Variants in PAH observed in about 807,000 individuals in gnomAD.
The protein encoded by PAH is phenylalanine hydroxylase.
Under a neutral mutation model 62.0 loss-of-function variants are expected in PAH, and 64 were observed. The observed-to-expected ratio is 1.03, with a 90% CI of 0.84 to 1.27. The LOEUF (loss-of-function observed/expected upper bound fraction) is 1.27, where lower values mean the gene tolerates loss of function less well. Ranked by LOEUF, PAH falls within the 50% of genes most tolerant of loss-of-function variation. PAH has a pLI of 0.00. For synonymous variants in PAH, 195 were observed against 196.2 expected (o/e 0.99, Z 0.05); for missense variants, 579 against 542.8 (o/e 1.07, Z -0.66).
chr12:102,910,463 A>G (rs971618426), intron 2 of PAH, among the ~76,000 whole-genome samples: 1 of 149,746 alleles, frequency 6.7e-6, no homozygotes, highest in African/African-American at 2.5e-5. Context: ...CTCCGCCTCC[A>G]GGGTTCACGC....
chr12:102,871,929 AAAAAAAAAAAAAAAAAAAAAATATATAT>A (rs1410733584), intron 4 of PAH, among the ~76,000 whole-genome samples: 12 of 114,062 alleles, frequency 1.1e-4, no homozygotes, highest in Admixed American at 8.5e-4. Flanking sequence ...CCTCAAAAAA[AAAAAAAAAAAAAAAAAAAAAATATATAT>A]ATATATATAT....
At chr12:102,912,026 A>G (rs1185140626) in intron 2 of PAH, among the ~76,000 whole-genome samples, 1 of 152,252 alleles carries the variant, frequency 6.6e-6, no homozygotes, top group Non-Finnish European at 1.5e-5. Flanking sequence ...ACCCAAATCA[A>G]CGTTTCCTAA....
rs1309852116 is a variant in PAH, at chr12:102,836,988, GAAACTTATT to G, written c.*2178_*2186del. 2.0e-5 allele frequency: 3 copies of G among 152,088 alleles called. No homozygotes were observed. Among genetic ancestry groups the G allele is most frequent in the Non-Finnish European group, 4.4e-5 (3 of 68,024 alleles). 9.4% of individuals were successfully genotyped at this position (152,088 alleles called of 1,614,324 possible). A position where few individuals can be genotyped will look rare whatever the true frequency, so the allele number is the denominator to read the frequency against. On this transcript the variant is annotated 3_prime_UTR_variant, in exon 13 of 13. Transcript: ENST00000553106. ...GTTAAAATTCAGATTCCTACTTTCA[GAAACTTATT>G]AAACATCAATGCCACATGCTTAGAA...
At chr12:102,916,513 C>T (rs1027560484) in intron 1 of PAH, 2 of 163,254 alleles carry the variant, frequency 1.2e-5, no homozygotes, top group Admixed American at 1.2e-4. Flanking sequence ...ATGCCCAGGG[C>T]TAACTCTTGG....
intron 1 of PAH, among the ~76,000 whole-genome samples, chr12:102,929,979 T>G (rs1192421345): frequency 3.9e-5 from 6 of 152,150 alleles, no homozygotes; most frequent in African/African-American, 7.2e-5. Context: ...TGGGACTCAT[T>G]GAGATATTAA....
intron 3 of PAH, among the ~76,000 whole-genome samples, chr12:102,888,699 A>G (rs920809380): frequency 1.3e-5 from 2 of 151,648 alleles, no homozygotes; most frequent in Admixed American, 1.3e-4. Context: ...GAATGGGCTG[A>G]TCCTCTCAGC....
chr12:102,884,275 G>A (rs61942039), intron 3 of PAH, among the ~76,000 whole-genome samples: 1 of 152,156 alleles, frequency 6.6e-6, no homozygotes. Flanking sequence ...CCTGGGTGCT[G>A]GGTGTTGGGG....
At chr12:102,870,136 A>G (rs1876234084) in intron 4 of PAH, among the ~76,000 whole-genome samples, 1 of 152,112 alleles carries the variant, frequency 6.6e-6, no homozygotes, top group South Asian at 2.1e-4. Flanking sequence ...TGAGAGGTAT[A>G]ATTTGTGTGT....
At chr12:102,840,619 C>A in intron 11 of PAH, 104 bp from the exon 12 acceptor site, 1 of 804,860 alleles carries the variant, frequency 1.2e-6, no homozygotes, top group Non-Finnish European at 2.2e-6. Context: ...AACACGGACA[C>A]CTCCCTAGAG....
Position 102,843,747 on chromosome 12 carries a change from G to T in PAH, c.1098C>A (p.Pro366=), listed in dbSNP as rs776159017. Residue 366 remains proline (P), a synonymous_variant, in exon 11 of 13, where the codon CCC becomes CCA. Transcript: ENST00000553106. ...GGATGGCTGTCTTCTCCAGCTCCAG[G>T]GGGAGAAGCTTTGGCTTCTCTGATA... ...YCLSEKPKLL[P]LELEKTAIQN... is the part of the protein sequence containing the mutation. 6 of 1,613,504 alleles carry T rather than the reference G, an allele frequency of 3.7e-6. No individual in the cohort carries two copies. In the Admixed American group the frequency reaches 8.3e-5, roughly 22 times the overall value.
chr12:102,958,298 G>T, exon 1 of PAH: 1 of 1,475,816 alleles, frequency 6.8e-7, no homozygotes, highest in African/African-American at 1.5e-5. Context: ...AGCCCCAGCC[G>T]CAGCCCCAGC....
chr12:102,932,049 G>T (rs1368692817), intron 1 of PAH, among the ~76,000 whole-genome samples: 2 of 152,110 alleles, frequency 1.3e-5, no homozygotes, highest in African/African-American at 4.8e-5. Flanking sequence ...TTAGGAAAGG[G>T]GTTTGAGGTC....
chr12:102,948,465 A>G (rs1879593708), intron 1 of PAH, among the ~76,000 whole-genome samples: 1 of 152,186 alleles, frequency 6.6e-6, no homozygotes, highest in Non-Finnish European at 1.5e-5. Flanking sequence ...GAGAAAGTCA[A>G]GGAAGCGAAA....
chr12:102,941,901 A>G (rs1324333123), intron 1 of PAH, among the ~76,000 whole-genome samples: 1 of 152,180 alleles, frequency 6.6e-6, no homozygotes, highest in Non-Finnish European at 1.5e-5. Context: ...AAAAACCCTC[A>G]ACAAACTAGG....
In PAH at chr12:102,872,485, G is replaced by A. The variant is rs921347374; in HGVS notation, c.441+4977C>T. Among the ~76,000 whole-genome samples, 3 of 152,218 alleles carry A rather than the reference G, an allele frequency of 2.0e-5. No homozygotes were observed. In the South Asian group the frequency reaches 6.2e-4, roughly 32 times the overall value. On this transcript the variant is annotated intron_variant, in intron 4 of 12. Coordinates refer to ENST00000553106, the MANE Select transcript of PAH (RefSeq NM_000277.3). Reference sequence around the variant, plus strand: ...AGTAAGAATGCAACAAGTCTTTGATGACTCAACTAGCTGACTGACTCTTAG... The same window carrying A: ...AGTAAGAATGCAACAAGTCTTTGATAACTCAACTAGCTGACTGACTCTTAG...
intron 2 of PAH, among the ~76,000 whole-genome samples, chr12:102,907,039 A>AT (rs141797486): frequency 1.3e-5 from 2 of 152,200 alleles, no homozygotes; most frequent in Non-Finnish European, 2.9e-5. Flanking sequence ...TTATCTTCTA[A>AT]TTTTTTTCTT....
chr12:102,903,855 A>G (rs1877866122), intron 2 of PAH, among the ~76,000 whole-genome samples: 1 of 152,080 alleles, frequency 6.6e-6, no homozygotes, highest in Admixed American at 6.6e-5. Flanking sequence ...TTCCCTAGAG[A>G]ATATGTGGTA....
At chr12:102,862,081 C>G (rs545899250) in intron 5 of PAH, among the ~76,000 whole-genome samples, 3 of 151,962 alleles carry the variant, frequency 2.0e-5, no homozygotes, top group African/African-American at 7.3e-5. Flanking sequence ...ATAAATCATT[C>G]TATCATAAAG....
intron 3 of PAH, among the ~76,000 whole-genome samples, chr12:102,890,758 C>A (rs1877243024): frequency 6.6e-6 from 1 of 152,196 alleles, no homozygotes; most frequent in Admixed American, 6.5e-5. Context: ...ATAAACCCAA[C>A]TTTTATTACA....
Sources: gnomAD v4.1 joint callset for allele counts (sites outside exome capture counted in the v4.1 genomes callset) on GRCh38, gnomAD v4.1.1 for gene constraint, MANE v1.5 for transcripts, NCBI Gene and HGNC (gene_info 2026-07-23, HGNC 2026-07-21) for gene names.